Variants in PADI4 observed in about 807,000 individuals in gnomAD.
The protein encoded by PADI4 is protein-arginine deiminase type-4.
A neutral mutation model predicts 75.0 loss-of-function variants in PADI4; 62 were observed. The ratio of observed to expected loss-of-function variants is 0.83; its 90% CI spans 0.67 to 1.02. The LOEUF (loss-of-function observed/expected upper bound fraction) is 1.02. Ranked by LOEUF, PADI4 falls within the 50% of genes least tolerant of loss-of-function variation. The pLI, the probability that PADI4 is intolerant of heterozygous loss-of-function variation, is 0.00. For missense variants in PADI4, 845 were observed against 850.5 expected, an observed-to-expected ratio of 0.99 and a Z score of 0.08; for synonymous variants, 361 against 348.1, an observed-to-expected ratio of 1.04 and a Z score of -0.41.
At position 17,348,053 on chromosome 1, in the gene PADI4, C is replaced by G. The variant is rs2074551097; in HGVS notation, c.1155+5C>G. The G allele has an allele frequency of 1.3e-6, 2 of 1,554,848 alleles. No individual in the cohort carries two copies. The highest frequency in any genetic ancestry group is 1.8e-6 in the Non-Finnish European group (2 of 1,126,420). On this transcript the variant is annotated splice_donor_5th_base_variant and intron_variant, in intron 10 of 15. Coordinates refer to ENST00000375448, the MANE Select transcript of PADI4 (RefSeq NM_012387.3). ...TTTCCCATCAAACGCGTGATGGTACCTGCATGGGGTGGGGAGGGGGCACAG... is the reference window on the plus strand; with the variant it reads ...TTTCCCATCAAACGCGTGATGGTACGTGCATGGGGTGGGGAGGGGGCACAG...
At chr1:17,309,473 C>A (rs1051793007) in intron 1 of PADI4, among the ~76,000 whole-genome samples, 7 of 152,106 alleles carry the variant, frequency 4.6e-5, no homozygotes, top group Non-Finnish European at 5.9e-5. Flanking sequence ...TAACTTAACT[C>A]TTTGTTCAGG....
At chr1:17,357,032 G>A (rs1168258565) in intron 13 of PADI4, among the ~76,000 whole-genome samples, 1 of 152,192 alleles carries the variant, frequency 6.6e-6, no homozygotes, top group Non-Finnish European at 1.5e-5. Flanking sequence ...GGAGAGGGCT[G>A]ACCTGTTTCT....
chr1:17,336,344 A>G (rs1288521163), intron 4 of PADI4, 118 bp downstream of exon 4: 1 of 694,020 alleles, frequency 1.4e-6, no homozygotes, highest in Non-Finnish European at 2.6e-6. Context: ...TGTTAAAAAA[A>G]GAAAGAAAAT....
At chr1:17,357,231 G>A (rs914544105) in intron 13 of PADI4, among the ~76,000 whole-genome samples, 4 of 152,132 alleles carry the variant, frequency 2.6e-5, no homozygotes, top group Admixed American at 1.3e-4. Flanking sequence ...GCAATGGCGC[G>A]ATCTCGACTC....
intron 1 of PADI4, among the ~76,000 whole-genome samples, chr1:17,322,487 C>T (rs2074046380): frequency 8.3e-6 from 1 of 119,860 alleles, no homozygotes; most frequent in African/African-American, 3.3e-5. Context: ...AGACTCCATC[C>T]CCCCCCAAAA....
chr1:17,342,207 G>A, intron 7 of PADI4, 86 bp downstream of exon 7: 20 of 1,465,852 alleles, frequency 1.4e-5, no homozygotes, highest in Non-Finnish European at 1.8e-5. Flanking sequence ...GCCCAGCTGG[G>A]CAGGGGGACT....
intron 8 of PADI4, among the ~76,000 whole-genome samples, chr1:17,343,151 C>T (rs1039283943): frequency 1.3e-5 from 2 of 152,168 alleles, no homozygotes; most frequent in African/African-American, 4.8e-5. Context: ...TGCACCATTG[C>T]ACTCTAGCCT....
chr1:17,347,820 A>G (rs1184969563), intron 9 of PADI4, 121 bp from the exon 10 acceptor site: 2 of 532,118 alleles, frequency 3.8e-6, no homozygotes, highest in African/African-American at 1.9e-5. Flanking sequence ...AACATCCCAT[A>G]GGAATGTGCC....
chr1:17,349,372 G>A (rs1223358549), intron 10 of PADI4, among the ~76,000 whole-genome samples: 1 of 152,122 alleles, frequency 6.6e-6, no homozygotes. Context: ...GGCAGCACTG[G>A]TCCCTCAGCT....
chr1:17,315,896 C>T (rs1437674873), intron 1 of PADI4, among the ~76,000 whole-genome samples: 1 of 151,952 alleles, frequency 6.6e-6, no homozygotes, highest in Non-Finnish European at 1.5e-5. Flanking sequence ...CCACGGTGAC[C>T]TCACAGCCCC....
chr1:17,345,979 G>A (rs1418219388), intron 8 of PADI4, 49 bp from the exon 9 acceptor site: 2 of 1,252,594 alleles, frequency 1.6e-6, no homozygotes, highest in African/African-American at 1.5e-5. Flanking sequence ...CTTCCAGGCT[G>A]AGCTTCAAAT....
At chr1:17,328,741 C>G (rs1033777455) in intron 1 of PADI4, among the ~76,000 whole-genome samples, 2 of 152,066 alleles carry the variant, frequency 1.3e-5, no homozygotes, top group Non-Finnish European at 2.9e-5. Context: ...CTTCAACTCT[C>G]TCATCCTCCT....
chr1:17,355,822 G>A (rs148446399), intron 11 of PADI4, among the ~76,000 whole-genome samples, 161 bp from the exon 12 acceptor site: 151 of 152,312 alleles, frequency 9.9e-4, no homozygotes, highest in African/African-American at 3.6e-3. Flanking sequence ...ACAATTCCTT[G>A]ATTTCTCAAA....
intron 10 of PADI4, among the ~76,000 whole-genome samples, chr1:17,348,470 G>T (rs575740004): frequency 6.6e-6 from 1 of 152,302 alleles, no homozygotes; most frequent in Non-Finnish European, 1.5e-5. Context: ...TTTGGGATCA[G>T]TGGATCAGTG....
chr1:17,355,044 CAA>C (rs2074736484), intron 11 of PADI4, among the ~76,000 whole-genome samples: 1 of 152,160 alleles, frequency 6.6e-6, no homozygotes, highest in Non-Finnish European at 1.5e-5. Flanking sequence ...ATGACAAAAA[CAA>C]AAGAGAGGGG....
chr1:17,318,460 A>AGGTGC (rs2073977918), intron 1 of PADI4, among the ~76,000 whole-genome samples: 2 of 152,188 alleles, frequency 1.3e-5, no homozygotes, highest in Non-Finnish European at 2.9e-5. Flanking sequence ...AACTCAGGCA[A>AGGTGC]CAGTGTCAGG....
chr1:17,334,038 C>T (rs765619399), intron 3 of PADI4, 29 bp downstream of exon 3: 37 of 1,418,242 alleles, frequency 2.6e-5, no homozygotes, highest in Admixed American at 1.0e-4. Context: ...CCTAGAGTGC[C>T]GTCTCATCCC....
At chr1:17,351,475 TGGTGCATGCC>T (rs2100221071) in intron 10 of PADI4, among the ~76,000 whole-genome samples, 1 of 150,216 alleles carries the variant, frequency 6.7e-6, no homozygotes, top group East Asian at 1.9e-4. Context: ...CCAGGCATGG[TGGTGCATGCC>T]TATAGTTCCA....
intron 1 of PADI4, among the ~76,000 whole-genome samples, chr1:17,312,851 T>G (rs1238003798): frequency 6.7e-6 from 1 of 148,160 alleles, no homozygotes; most frequent in African/African-American, 2.6e-5. Flanking sequence ...GAGGGAGATA[T>G]GTAGCTTTTT....
Sources: allele counts gnomAD v4.1 joint callset (sites outside exome capture counted in the v4.1 genomes callset), GRCh38; gene constraint gnomAD v4.1.1; transcripts MANE v1.5; gene names NCBI Gene and HGNC (gene_info 2026-07-23, HGNC 2026-07-21).